SMNDC1: variants seen among roughly 807,000 people sequenced by gnomAD.
SMNDC1 encodes survival motor neuron domain containing 1.
A neutral mutation model predicts 29.2 loss-of-function variants in SMNDC1; 5 were observed. The ratio of observed to expected loss-of-function variants is 0.17; its 90% CI spans 0.09 to 0.36. The LOEUF (loss-of-function observed/expected upper bound fraction) is 0.36, where lower values mean the gene tolerates loss of function less well. SMNDC1 is among the 10% of genes least tolerant of loss of function. SMNDC1 has a pLI of 1.00. For missense variants in SMNDC1, 142 were observed against 268.5 expected (o/e 0.53, Z 3.29); for synonymous variants, 80 against 89.9 (o/e 0.89, Z 0.62).
Position 110,303,579 on chromosome 10 carries a change from C to A in SMNDC1, c.9G>T (p.Glu3Asp). 1.3e-6 allele frequency: 2 copies of A among 1,583,206 alleles called. No homozygotes were observed. The highest frequency in any genetic ancestry group is 1.9e-5 in the Admixed American group (1 of 52,508). MSEDLAKQLASYK... is the reference protein window; with the variant it reads MSDDLAKQLASYK... ...AGCTTGCCAGCTGCTTTGCTAAATCCTCTGACATCTAGGGAAAATAAAAAG... is the reference window on the plus strand; with the variant it reads ...AGCTTGCCAGCTGCTTTGCTAAATCATCTGACATCTAGGGAAAATAAAAAG... Residue 3 changes from glutamate to aspartate, a missense_variant, in exon 2 of 6, where the codon GAG becomes GAT. By Grantham distance (45) the Glu-to-Asp change is conservative. Transcript: ENST00000369603.
In SMNDC1 at chr10:110,293,731, ATC is replaced by A. The variant is rs1365983887; in HGVS notation, c.*417_*418del. 1.3e-5 allele frequency: 2 copies of A among 152,738 alleles called. No individual in the cohort carries two copies. Among genetic ancestry groups the A allele is most frequent in the African/African-American group, 4.8e-5 (2 of 41,472 alleles). The allele number at this position is 152,738 out of a possible 1,614,324, so 9.5% of individuals were successfully genotyped here. On this transcript the variant is annotated 3_prime_UTR_variant, in exon 6 of 6. Transcript: ENST00000369603. ...AGCTGAAAATAAGAAAAATGAAAAG[ATC>A]TCTTTTAGCAGGTTGGTGTTTTTGC...
chr10:110,299,984 A>G (rs1857620738), intron 2 of SMNDC1, among the ~76,000 whole-genome samples: 1 of 152,244 alleles, frequency 6.6e-6, no homozygotes, highest in Non-Finnish European at 1.5e-5. Context: ...ACTAGCCATT[A>G]ATTAGATCTT....
At chr10:110,299,319 G>T (rs1027407459) in intron 2 of SMNDC1, among the ~76,000 whole-genome samples, 1 of 152,132 alleles carries the variant, frequency 6.6e-6, no homozygotes, top group Non-Finnish European at 1.5e-5. Flanking sequence ...GAAACCAGTG[G>T]TCTTCCTATT....
intron 2 of SMNDC1, among the ~76,000 whole-genome samples, chr10:110,300,911 G>A (rs1590429689): frequency 6.6e-6 from 1 of 152,170 alleles, no homozygotes; most frequent in East Asian, 1.9e-4. Context: ...AGAAAGGCAG[G>A]ACTTTAGTAG....
intron 2 of SMNDC1, among the ~76,000 whole-genome samples, chr10:110,301,740 A>G (rs1472518196): frequency 6.6e-6 from 1 of 152,202 alleles, no homozygotes; most frequent in African/African-American, 2.4e-5. Context: ...TATAGAAAAG[A>G]GGATACTTTA....
rs1475860024 is a variant in SMNDC1 at position 110,291,864 on chromosome 10, TAAC to T, written c.*2283_*2285del. On this transcript the variant is annotated 3_prime_UTR_variant, in exon 6 of 6. Transcript: ENST00000369603. ...TAGGACTGTTCTTTCCTTGAAATGG[TAAC>T]AACAGTCAAACGTCAAGCTTTGGTA... The T allele has an allele frequency of 1.3e-5, 2 of 152,186 alleles. No homozygotes were observed. The highest frequency in any genetic ancestry group is 2.4e-5 in the African/African-American group (1 of 41,440). 9.4% of individuals were successfully genotyped at this position (152,186 alleles called of 1,614,324 possible).
rs1028553499 is a variant in SMNDC1 at position 110,291,717 on chromosome 10, T to C, written c.*2433A>G. 6.6e-6 allele frequency: 1 copy of C among 152,212 alleles called. No individual in the cohort carries two copies. The highest frequency in any genetic ancestry group is 1.5e-5 in the Non-Finnish European group (1 of 68,036). 9.4% of individuals were successfully genotyped at this position (152,212 alleles called of 1,614,324 possible). On this transcript the variant is annotated 3_prime_UTR_variant, in exon 6 of 6. Transcript: ENST00000369603. ...GTAATAAATGGTAATAAACAAACAC[T>C]AGTCTGGCTCTAGAGTCCTTGCTGT... is the stretch of plus-strand genomic sequence containing the variant.
At chr10:110,302,580 G>C (rs1303688862) in intron 2 of SMNDC1, among the ~76,000 whole-genome samples, 1 of 152,176 alleles carries the variant, frequency 6.6e-6, no homozygotes, top group Non-Finnish European at 1.5e-5. Flanking sequence ...GGGAGGGAAT[G>C]AATTTTTAGA....
At chr10:110,302,276 A>C (rs899645537) in intron 2 of SMNDC1, among the ~76,000 whole-genome samples, 4 of 152,234 alleles carry the variant, frequency 2.6e-5, no homozygotes, top group Non-Finnish European at 5.9e-5. Context: ...AACTGCTCCC[A>C]AAACATCTTT....
rs1024577099 is a variant in SMNDC1 at position 110,292,463 on chromosome 10, T to C, written c.*1687A>G. ...TAATCTCAACAACCATTTTCTGGGG[T>C]CACACAATGACACCAAATTTCTTCC... On this transcript the variant is annotated 3_prime_UTR_variant, in exon 6 of 6. Transcript: ENST00000369603. 6.6e-6 allele frequency: 1 copy of C among 152,158 alleles called. No individual in the cohort carries two copies. Among genetic ancestry groups the C allele is most frequent in the African/African-American group, 2.4e-5 (1 of 41,440 alleles). 9.4% of individuals were successfully genotyped at this position (152,158 alleles called of 1,614,324 possible).
intron 5 of SMNDC1, 104 bp from the exon 6 acceptor site, chr10:110,294,391 A>G: frequency 4.0e-6 from 4 of 994,972 alleles, no homozygotes; most frequent in African/African-American, 1.7e-5. Context: ...AACGTTTAAA[A>G]GAAGAAAAAC....
intron 2 of SMNDC1, among the ~76,000 whole-genome samples, chr10:110,300,998 C>A (rs534382726): frequency 6.6e-6 from 1 of 152,168 alleles, no homozygotes; most frequent in Admixed American, 6.5e-5. Context: ...GGAAACCTTA[C>A]TGGCAAAATG....
chr10:110,300,403 T>C lies in SMNDC1; in HGVS notation c.121-1613A>G, dbSNP rs114268516. 3.0e-3 allele frequency: 761 copies of C among 252,178 alleles called. 2 individuals carry two copies. Among genetic ancestry groups the C allele is most frequent in the African/African-American group, 0.016 (692 of 43,326 alleles). 15.6% of individuals were successfully genotyped at this position (252,178 alleles called of 1,614,324 possible). On this transcript the variant is annotated intron_variant, in intron 2 of 5. Coordinates refer to ENST00000369603, the MANE Select transcript of SMNDC1 (RefSeq NM_005871.4). ...AAAAATCCAGAGCATTTACTCCTAA[T>C]GTCCTTTAACTTTGCCATGGTTTTA... is the stretch of plus-strand genomic sequence containing the variant.
chr10:110,295,408 C>G, intron 4 of SMNDC1, 27 bp from the exon 5 acceptor site: 1 of 1,547,746 alleles, frequency 6.5e-7, no homozygotes, highest in South Asian at 1.2e-5. Context: ...TAAATGTCAA[C>G]TGTTAAGACT....
chr10:110,302,761 A>C (rs1177044375), intron 2 of SMNDC1, among the ~76,000 whole-genome samples: 3 of 152,126 alleles, frequency 2.0e-5, no homozygotes, highest in Non-Finnish European at 4.4e-5. Context: ...CCTGAAACAC[A>C]AAAGGTATTT....
At chr10:110,297,325 G>C (rs1301087303) in intron 4 of SMNDC1, among the ~76,000 whole-genome samples, 1 of 152,186 alleles carries the variant, frequency 6.6e-6, no homozygotes, top group East Asian at 1.9e-4. Flanking sequence ...AATATGCTGG[G>C]AAGATGTTCA....
intron 5 of SMNDC1, 116 bp from the exon 6 acceptor site, chr10:110,294,403 TATTGCC>T: frequency 1.2e-6 from 1 of 864,972 alleles, no homozygotes; most frequent in Non-Finnish European, 1.7e-6. Flanking sequence ...AAGAAAAACA[TATTGCC>T]TTTGTTTAGT....
intron 4 of SMNDC1, among the ~76,000 whole-genome samples, chr10:110,296,503 ACAAAT>A (rs1460279752): frequency 1.3e-5 from 2 of 152,216 alleles, no homozygotes; most frequent in Non-Finnish European, 2.9e-5. Flanking sequence ...AAAACTCTTG[ACAAAT>A]CAAAAGACTA....
Position 110,291,137 on chromosome 10 carries a change from C to G in SMNDC1, c.*3013G>C, listed in dbSNP as rs1396459400. 6.6e-6 allele frequency: 1 copy of G among 152,200 alleles called. No individual in the cohort carries two copies. Among genetic ancestry groups the G allele is most frequent in the Non-Finnish European group, 1.5e-5 (1 of 68,028 alleles). 9.4% of individuals were successfully genotyped at this position (152,200 alleles called of 1,614,324 possible). A position where few individuals can be genotyped will look rare whatever the true frequency, so the allele number is the denominator to read the frequency against. On this transcript the variant is annotated 3_prime_UTR_variant, in exon 6 of 6. Transcript: ENST00000369603. ...GCTAAAAGGTAATTTTTCTTCATTT[C>G]CAAAGTCAAACTTTTATAGTTAACA...
Sources: allele counts gnomAD v4.1 joint callset (sites outside exome capture counted in the v4.1 genomes callset), GRCh38; gene constraint gnomAD v4.1.1; transcripts MANE v1.5; gene names NCBI Gene and HGNC (gene_info 2026-07-23, HGNC 2026-07-21).